TRAF3IP1: variants seen among roughly 807,000 people sequenced by gnomAD.
TRAF3IP1 encodes intraflagellar transport 54, also known as TRAF3-interacting protein 1.
A neutral mutation model predicts 89.9 loss-of-function variants in TRAF3IP1; 53 were observed. The ratio of observed to expected loss-of-function variants is 0.59; its 90% CI spans 0.47 to 0.74. The LOEUF (loss-of-function observed/expected upper bound fraction) is 0.74, where lower values mean the gene tolerates loss of function less well. Ranked by LOEUF, TRAF3IP1 falls within the 30% of genes least tolerant of loss-of-function variation. The probability of loss-of-function intolerance (pLI) is 0.00; values close to 1 mark genes in which losing one functional copy is unlikely to be tolerated. For synonymous variants in TRAF3IP1, 311 were observed against 322.1 expected (o/e 0.97, Z 0.37); for missense variants, 806 against 866.1 (o/e 0.93, Z 0.87).
At chr2:238,325,761 A>G (rs1697795284) in intron 2 of TRAF3IP1, 48 bp from the exon 3 acceptor site, 1 of 1,546,998 alleles carries the variant, frequency 6.5e-7, no homozygotes, top group Non-Finnish European at 8.9e-7. Flanking sequence ...GATAATGCAC[A>G]CTCTTCAAAG....
chr2:238,336,296 C>T (rs1289106554), intron 7 of TRAF3IP1, among the ~76,000 whole-genome samples: 1 of 152,162 alleles, frequency 6.6e-6, no homozygotes, highest in Non-Finnish European at 1.5e-5. Flanking sequence ...CTGAGCTTCC[C>T]TGAGCTATCA....
chr2:238,391,333 C>T (rs1223763193), intron 15 of TRAF3IP1, among the ~76,000 whole-genome samples: 2 of 152,188 alleles, frequency 1.3e-5, no homozygotes, highest in African/African-American at 2.4e-5. Context: ...CCTCAAACTA[C>T]TATTGGATTA....
intron 5 of TRAF3IP1, among the ~76,000 whole-genome samples, chr2:238,331,865 C>G (rs375082434): frequency 4.7e-4 from 72 of 152,346 alleles, no homozygotes; most frequent in African/African-American, 1.7e-3. Flanking sequence ...CCGGTTCTGC[C>G]TCAGTCATTC....
chr2:238,392,642 G>A lies in TRAF3IP1; in HGVS notation c.1690-4817G>A, dbSNP rs535586606. ...GGCTGGAGTGCAATGGCGTGATCTC[G>A]GCTCACTGCAACCTCGCCCCCCCAC... On this transcript the variant is annotated intron_variant, in intron 15 of 16. Coordinates refer to ENST00000373327, the MANE Select transcript of TRAF3IP1 (RefSeq NM_015650.4). Among the ~76,000 whole-genome samples, 18 of 151,772 alleles carry A rather than the reference G, an allele frequency of 1.2e-4. No individual in the cohort carries two copies. In the South Asian group the frequency reaches 3.5e-3, roughly 30 times the overall value.
At chr2:238,398,366 C>T (rs1701334332) in intron 16 of TRAF3IP1, among the ~76,000 whole-genome samples, 1 of 141,928 alleles carries the variant, frequency 7.0e-6, no homozygotes, top group African/African-American at 2.7e-5. Context: ...GGGGGCCCTG[C>T]AGCAGGAGCA....
At chr2:238,355,193 T>C (rs1699354342) in intron 14 of TRAF3IP1, among the ~76,000 whole-genome samples, 1 of 152,182 alleles carries the variant, frequency 6.6e-6, no homozygotes, top group Admixed American at 6.5e-5. Context: ...CCAGGTATAA[T>C]CAGAAATGTG....
chr2:238,388,726 C>T (rs1326642878), intron 15 of TRAF3IP1, among the ~76,000 whole-genome samples: 3 of 151,272 alleles, frequency 2.0e-5, no homozygotes, highest in Admixed American at 1.3e-4. Flanking sequence ...ACTGTAACCT[C>T]TGCATCCTGG....
intron 15 of TRAF3IP1, among the ~76,000 whole-genome samples, chr2:238,367,163 C>CAAAAAAAAAAAAAAAAAAAAA (rs33964253): frequency 2.8e-5 from 1 of 36,146 alleles, no homozygotes; most frequent in African/African-American, 1.4e-4. Flanking sequence ...GACTCTGTCT[C>CAAAAAAAAAAAAAAAAAAAAA]AAAAAAAAAA....
At chr2:238,375,993 C>T (rs1343891520) in intron 15 of TRAF3IP1, among the ~76,000 whole-genome samples, 2 of 152,138 alleles carry the variant, frequency 1.3e-5, no homozygotes, top group Non-Finnish European at 2.9e-5. Flanking sequence ...ATGAAAGTTC[C>T]ATATGCGTGG....
intron 15 of TRAF3IP1, among the ~76,000 whole-genome samples, chr2:238,359,355 T>C (rs925831399): frequency 3.3e-5 from 5 of 152,184 alleles, no homozygotes; most frequent in African/African-American, 1.2e-4. Context: ...CCCATCTCCA[T>C]GTTCCCCTTA....
rs775108627 is a variant in TRAF3IP1, at chr2:238,320,645, C to G, written c.-18C>G. 1.1e-5 allele frequency: 14 copies of G among 1,325,560 alleles called. No homozygotes were observed. In the South Asian group the frequency reaches 2.4e-4, roughly 23 times the overall value. 82.1% of individuals were successfully genotyped at this position (1,325,560 alleles called of 1,614,324 possible). A position where few individuals can be genotyped will look rare whatever the true frequency, so the allele number is the denominator to read the frequency against. On this transcript the variant is annotated 5_prime_UTR_variant, in exon 1 of 17. Coordinates refer to ENST00000373327, the MANE Select transcript of TRAF3IP1 (RefSeq NM_015650.4). The stretch of plus-strand genomic sequence containing the variant: ...CCGGCTGAGGGGCGCGGGCGGCCAG[C>G]GGGCGGCGGACGCCGTCATGAACGC...
chr2:238,349,503 T>C (rs1170528204), intron 12 of TRAF3IP1, 95 bp downstream of exon 12: 16 of 1,286,896 alleles, frequency 1.2e-5, no homozygotes, highest in South Asian at 1.1e-4. Flanking sequence ...AAGCAGCACA[T>C]GGTGCTGGAA....
rs529904775 is a variant in TRAF3IP1 at position 238,390,986 on chromosome 2, G to A, written c.1690-6473G>A. On this transcript the variant is annotated intron_variant, in intron 15 of 16. Coordinates refer to ENST00000373327, the MANE Select transcript of TRAF3IP1 (RefSeq NM_015650.4). ...TTCTTTTTTGAGAAAAAAGGGTTTC[G>A]CTCTGTTGCCCAGGCTGGAGTACAG... 6.1e-4 allele frequency among the ~76,000 whole-genome samples: 92 copies of A among 151,974 alleles called. 1 individual carries two copies. Among genetic ancestry groups the A allele is most frequent in the Admixed American group, 1.4e-3 (21 of 15,260 alleles).
At chr2:238,335,750 G>C (rs1698354595) in intron 7 of TRAF3IP1, among the ~76,000 whole-genome samples, 1 of 146,526 alleles carries the variant, frequency 6.8e-6, no homozygotes, top group South Asian at 2.2e-4. Flanking sequence ...GTTGCTCGCT[G>C]GTTTATTTTA....
At chr2:238,391,198 C>G (rs1398501479) in intron 15 of TRAF3IP1, among the ~76,000 whole-genome samples, 2 of 152,172 alleles carry the variant, frequency 1.3e-5, no homozygotes, top group Non-Finnish European at 2.9e-5. Context: ...CTCAAGTGAT[C>G]TGCCCACCTC....
chr2:238,356,255 G>A (rs897517414), intron 15 of TRAF3IP1, among the ~76,000 whole-genome samples, 175 bp downstream of exon 15: 1 of 152,170 alleles, frequency 6.6e-6, no homozygotes, highest in Non-Finnish European at 1.5e-5. Context: ...CCAGCACCTT[G>A]GGAGGCCAGC....
chr2:238,366,802 T>G (rs1428580060), intron 15 of TRAF3IP1, among the ~76,000 whole-genome samples: 1 of 151,916 alleles, frequency 6.6e-6, no homozygotes, highest in Non-Finnish European at 1.5e-5. Flanking sequence ...GACCCTGGTG[T>G]TTAAATATAC....
chr2:238,380,573 C>T (rs1259893786), intron 15 of TRAF3IP1, among the ~76,000 whole-genome samples: 1 of 152,182 alleles, frequency 6.6e-6, no homozygotes, highest in African/African-American at 2.4e-5. Flanking sequence ...TCTTCTCGAG[C>T]ATGTGGATGG....
At chr2:238,384,111 C>T (rs1488817385) in intron 15 of TRAF3IP1, among the ~76,000 whole-genome samples, 2 of 152,148 alleles carry the variant, frequency 1.3e-5, no homozygotes, top group Non-Finnish European at 2.9e-5. Flanking sequence ...GTGGCACCCT[C>T]ATGCTCCTCC....
Sources: allele counts gnomAD v4.1 joint callset (sites outside exome capture counted in the v4.1 genomes callset), GRCh38; gene constraint gnomAD v4.1.1; transcripts MANE v1.5; gene names NCBI Gene and HGNC (gene_info 2026-07-23, HGNC 2026-07-21).